HHLA1: variants seen among roughly 807,000 people sequenced by gnomAD.
HHLA1 encodes HHLA1 neighbor of OC90.
Under a neutral mutation model 69.9 loss-of-function variants are expected in HHLA1, and 72 were observed. The ratio of observed to expected loss-of-function variants is 1.03; its 90% CI spans 0.85 to 1.25. HHLA1 has a LOEUF of 1.25. Among genes scored for constraint, HHLA1 ranks in the 50% most tolerant of loss-of-function variants. The pLI is 0.00. For missense variants in HHLA1, 685 were observed against 642.2 expected, an observed-to-expected ratio of 1.07 and a Z score of -0.72; for synonymous variants, 252 against 233.2, an observed-to-expected ratio of 1.08 and a Z score of -0.73.
chr8:132,086,369 C>T lies in HHLA1; in HGVS notation c.676+1284G>A, dbSNP rs1490244310. ...GTGAACTGTCTAATTGCAGGAGTGG[C>T]CTTGCAGCCTCATTTCCTCTCTCTG... is the stretch of plus-strand genomic sequence containing the variant. On this transcript the variant is annotated intron_variant, in intron 10 of 16. Coordinates refer to ENST00000414222, the MANE Select transcript of HHLA1 (RefSeq NM_001145095.3). 3.9e-5 allele frequency among the ~76,000 whole-genome samples: 6 copies of T among 152,170 alleles called. No individual in the cohort carries two copies. The South Asian group carries it at 6.2e-4, about 16-fold the overall frequency.
intron 16 of HHLA1, 43 bp downstream of exon 16, chr8:132,065,843 G>T (rs1031702698): frequency 1.1e-6 from 1 of 931,162 alleles, no homozygotes; most frequent in Non-Finnish European, 1.5e-6. Flanking sequence ...TTTGTGTAAT[G>T]CATTCACTGC....
At chr8:132,098,619 A>T (rs771727799) in intron 5 of HHLA1, among the ~76,000 whole-genome samples, 1 of 152,030 alleles carries the variant, frequency 6.6e-6, no homozygotes, top group Non-Finnish European at 1.5e-5. Context: ...GCACCACTGC[A>T]CGCAGCTAAT....
chr8:132,062,136 T>G lies in HHLA1; in HGVS notation c.*1859A>C, dbSNP rs747658401. The G allele has an allele frequency of 6.6e-6, 1 of 152,200 alleles. No homozygotes were observed. The highest frequency in any genetic ancestry group is 3.2e-3 in the Middle Eastern group (1 of 316). 9.4% of individuals were successfully genotyped at this position (152,200 alleles called of 1,614,324 possible). A position where few individuals can be genotyped will look rare whatever the true frequency, so the allele number is the denominator to read the frequency against. On this transcript the variant is annotated 3_prime_UTR_variant, in exon 17 of 17. Transcript: ENST00000414222. ...GCAAGGGTTGAATCAAATTAATCCA[T>G]GCTTAATGAGTTTGCTTGGTTCCTA...
chr8:132,095,526 G>T lies in HHLA1; in HGVS notation c.441C>A (p.Asp147Glu), dbSNP rs1285954599. 3.2e-5 allele frequency: 49 copies of T among 1,547,086 alleles called. No homozygotes were observed. The highest frequency in any genetic ancestry group is 4.0e-5 in the Non-Finnish European group (46 of 1,142,800). Residue 147 changes from aspartate to glutamate, a missense_variant, in exon 7 of 17, where the codon GAC (aspartate) becomes GAA (glutamate). Transcript: ENST00000414222. ...YCYCLNNRTN[D>E]LSDFTALLVD... ...ATGGTAAGCTGTACCCACCTGATAA[G>T]TCATTGGTCCGATTGTTTAAACAGT... is the stretch of plus-strand genomic sequence containing the variant.
At chr8:132,069,199 C>T (rs73353148) in intron 15 of HHLA1, among the ~76,000 whole-genome samples, 2 of 152,136 alleles carry the variant, frequency 1.3e-5, no homozygotes, top group African/African-American at 4.8e-5. Context: ...TCCATCTTTG[C>T]AGATGCTATT....
intron 1 of HHLA1, among the ~76,000 whole-genome samples, chr8:132,109,905 G>A (rs926001512): frequency 3.3e-5 from 5 of 152,178 alleles, no homozygotes; most frequent in Admixed American, 2.6e-4. Context: ...GAGAAGTGTT[G>A]CTATGACTGA....
At chr8:132,070,236 C>A (rs1172321270) in intron 15 of HHLA1, 6 of 677,200 alleles carry the variant, frequency 8.9e-6, no homozygotes, top group South Asian at 1.6e-5. Flanking sequence ...AAGAATAAAT[C>A]CCAGAAGAAA....
At chr8:132,069,282 T>A (rs1210369738) in intron 15 of HHLA1, among the ~76,000 whole-genome samples, 3 of 152,232 alleles carry the variant, frequency 2.0e-5, no homozygotes, top group Non-Finnish European at 4.4e-5. Flanking sequence ...CATAGCATGT[T>A]ATTCAGGTCT....
chr8:132,070,738 C>T (rs1823520040), intron 15 of HHLA1, among the ~76,000 whole-genome samples: 1 of 151,790 alleles, frequency 6.6e-6, no homozygotes, highest in Non-Finnish European at 1.5e-5. Context: ...CAACTCAACA[C>T]ATCTCAACTC....
Position 132,102,602 on chromosome 8 carries a change from G to T in HHLA1, c.139+1506C>A, listed in dbSNP as rs556369711. Among the ~76,000 whole-genome samples the T allele has an allele frequency of 2.6e-4, 40 of 152,304 alleles. No homozygotes were observed. The East Asian group carries it at 7.7e-3, about 29-fold the overall frequency. ...CTCTGCACCAGCTGCTATAAGATCT[G>T]CAGGAGGCACAATCAACCTTGCTTG... On this transcript the variant is annotated intron_variant, in intron 3 of 16. Transcript: ENST00000414222.
At chr8:132,108,029 AACTT>A (rs1210184402) in intron 1 of HHLA1, among the ~76,000 whole-genome samples, 1 of 152,170 alleles carries the variant, frequency 6.6e-6, no homozygotes, top group Non-Finnish European at 1.5e-5. Context: ...GATCTGGGCT[AACTT>A]ACTTAACCTT....
chr8:132,104,124 G>T lies in HHLA1; in HGVS notation c.123C>A (p.Thr41=), dbSNP rs1824164152. ...CCCACTTACCTGTTGTAGGTAAAAA[G>T]GTCATTCCCTTCTCTTTCTTGGCTT... ...KGEAKKEKGM[T]FLPTTVSGLR... is the part of the protein sequence containing the mutation. The change falls in exon 3 of 17, where the codon ACC becomes ACA. Residue 41 remains threonine, a synonymous_variant. Transcript: ENST00000414222. The T allele has an allele frequency of 6.4e-6, 10 of 1,551,108 alleles. No individual in the cohort carries two copies. The highest frequency in any genetic ancestry group is 8.7e-6 in the Non-Finnish European group (10 of 1,146,504).
chr8:132,084,355 C>G (rs1480687172), intron 10 of HHLA1, among the ~76,000 whole-genome samples: 1 of 151,912 alleles, frequency 6.6e-6, no homozygotes, highest in Non-Finnish European at 1.5e-5. Flanking sequence ...AAAGACTCAG[C>G]GACGCTTGGG....
At chr8:132,070,476 G>A in intron 15 of HHLA1, 2 of 669,064 alleles carry the variant, frequency 3.0e-6, no homozygotes, top group Non-Finnish European at 5.4e-6. Context: ...AAGATCCTCT[G>A]CCATGATCCT....
rs1008770921 is a variant in HHLA1 at position 132,077,777 on chromosome 8, C to T, written c.1120G>A (p.Ala374Thr). The T allele has an allele frequency of 1.3e-6, 2 of 1,551,558 alleles. No individual in the cohort carries two copies. The highest frequency in any genetic ancestry group is 2.7e-5 in the African/African-American group (2 of 73,038). Residue 374 changes from alanine to threonine, a missense_variant, in exon 12 of 17, where the codon GCT becomes ACT. Coordinates refer to ENST00000414222, the MANE Select transcript of HHLA1 (RefSeq NM_001145095.3). The stretch of plus-strand genomic sequence containing the variant: ...CTGCCAGGTGTGGCCATTATCTCAG[C>T]AGCAGGCGCCAAAAGGCTTGTAGTG... ...MNTTSLLAPA[A>T]EIMATPGSPS...
intron 8 of HHLA1, 151 bp downstream of exon 8, chr8:132,089,365 C>T: frequency 1.5e-6 from 1 of 665,526 alleles, no homozygotes; most frequent in South Asian, 1.7e-5. Flanking sequence ...GGAAACTGGA[C>T]CACACTGATT....
intron 3 of HHLA1, among the ~76,000 whole-genome samples, chr8:132,103,336 G>A (rs1348698943): frequency 6.6e-6 from 1 of 152,138 alleles, no homozygotes; most frequent in African/African-American, 2.4e-5. Context: ...TATAAAAATC[G>A]TCCAGGTCTG....
intron 8 of HHLA1, among the ~76,000 whole-genome samples, chr8:132,089,006 G>A (rs1222695564): frequency 6.6e-6 from 1 of 152,176 alleles, no homozygotes; most frequent in Non-Finnish European, 1.5e-5. Context: ...CCAGTTGTTG[G>A]ACTGTTGAAT....
chr8:132,105,212 T>G lies in HHLA1; in HGVS notation c.54A>C (p.Ala18=). The G allele has an allele frequency of 6.4e-7, 1 of 1,552,118 alleles. No individual in the cohort carries two copies. The change falls in exon 2 of 17, where the codon GCA becomes GCC. Residue 18 remains alanine, a synonymous_variant. Transcript: ENST00000414222. ...CTGTGTTCCAAAGGGACAAGACACA[T>G]GCCAGGCCCATGCACAGCTTCATTG... is the stretch of plus-strand genomic sequence containing the variant. ...GPSMKLCMGL[A]CVLSLWNTVS...
Sources: gnomAD v4.1 joint callset for allele counts (sites outside exome capture counted in the v4.1 genomes callset) on GRCh38, gnomAD v4.1.1 for gene constraint, MANE v1.5 for transcripts, NCBI Gene and HGNC (gene_info 2026-07-23, HGNC 2026-07-21) for gene names.